Variants in HGFAC observed in about 807,000 individuals in gnomAD.
The protein encoded by HGFAC is hepatocyte growth factor activator serine protease.
A neutral mutation model predicts 70.6 loss-of-function variants in HGFAC; 76 were observed. That is an observed-to-expected ratio of 1.08 (90% CI 0.89 to 1.30). HGFAC has a LOEUF of 1.30. Ranked by LOEUF, HGFAC falls within the 50% of genes most tolerant of loss-of-function variation. The pLI is 0.00. For missense variants in HGFAC, 1,044 were observed against 933.7 expected (o/e 1.12, Z -1.54); for synonymous variants, 464 against 405.3 (o/e 1.14, Z -1.74).
At chr4:3,442,199 T>C (rs1725338794) in intron 1 of HGFAC, 81 bp downstream of exon 1, 5 of 1,105,164 alleles carry the variant, frequency 4.5e-6, no homozygotes, top group Non-Finnish European at 6.4e-6. Context: ...AGAGGGAGGG[T>C]CGCCACAGAG....
chr4:3,448,249 C>G lies in HGFAC; in HGVS notation c.1758C>G (p.Tyr586Ter). 6.2e-7 allele frequency: 1 copy of G among 1,609,390 alleles called. No individual in the cohort carries two copies. Among genetic ancestry groups the G allele is most frequent in the South Asian group, 1.1e-5 (1 of 90,750 alleles). ...GCCCCAACATGCTCTGTGCCGGCTA[C>G]TTCGACTGCAAGTCCGACGCCTGCC... Reference protein sequence around the residue: ...DISPNMLCAGYFDCKSDACQG... With the variant: ...DISPNMLCAG Residue 586 changes from tyrosine (Y) to a stop codon, truncating the protein, a stop_gained, in exon 13 of 14, where the codon TAC (tyrosine) becomes TAG (stop). Transcript: ENST00000382774. LOFTEE classifies it low-confidence loss of function (END_TRUNC).
At chr4:3,444,798 T>C in intron 7 of HGFAC, 21 bp from the exon 8 acceptor site, 1 of 1,583,974 alleles carries the variant, frequency 6.3e-7, no homozygotes, top group Non-Finnish European at 8.6e-7. Flanking sequence ...TGGGCCGGCC[T>C]CACTGCCCCT....
At chr4:3,447,324 C>G (rs1287451143) in intron 10 of HGFAC, among the ~76,000 whole-genome samples, 168 bp from the exon 11 acceptor site, 1 of 152,186 alleles carries the variant, frequency 6.6e-6, no homozygotes, top group Non-Finnish European at 1.5e-5. Flanking sequence ...CTTGGTGGTC[C>G]CTGTCTCCCC....
intron 9 of HGFAC, 178 bp downstream of exon 9, chr4:3,445,528 T>C: frequency 1.6e-6 from 1 of 623,508 alleles, no homozygotes; most frequent in Non-Finnish European, 2.9e-6. Context: ...GGGGTCACAG[T>C]GGGGAAGCAG....
Position 3,442,136 on chromosome 4 carries a change from C to T in HGFAC, c.117+18C>T, listed in dbSNP as rs764456972. On this transcript the variant is annotated intron_variant, in intron 1 of 13. Transcript: ENST00000382774. Reference sequence around the variant, plus strand: ...CTGGCGGGGTGAGCACTGACCTTGTCGCAGTGCGACCAGAGGTTCCCAGTG... The same window carrying T: ...CTGGCGGGGTGAGCACTGACCTTGTTGCAGTGCGACCAGAGGTTCCCAGTG... 1.4e-5 allele frequency: 21 copies of T among 1,531,738 alleles called. No individual in the cohort carries two copies. Among genetic ancestry groups the T allele is most frequent in the Middle Eastern group, 1.7e-4 (1 of 5,880 alleles). 94.9% of individuals were successfully genotyped at this position (1,531,738 alleles called of 1,614,324 possible).
intron 9 of HGFAC, 137 bp from the exon 10 acceptor site, chr4:3,445,905 G>T: frequency 6.5e-7 from 1 of 1,549,762 alleles, no homozygotes; most frequent in South Asian, 1.2e-5. Flanking sequence ...AGGTGAGTGG[G>T]CGCCAGGGCC....
chr4:3,441,533 A>G (rs551084255), upstream of HGFAC, among the ~76,000 whole-genome samples: 444 of 151,868 alleles, frequency 2.9e-3, 1 homozygote, highest in African/African-American at 0.01. This position sits in a 1 kb window ranked among gnomAD's most constrained non-coding sequence, Gnocchi z 6.0. Context: ...GACAGGGACA[A>G]TCCCATCCCC....
Position 3,449,301 on chromosome 4 carries a change from G to C in HGFAC, c.1850G>C (p.Ser617Thr), listed in dbSNP as rs1239181152. 6 of 1,612,404 alleles carry C rather than the reference G, an allele frequency of 3.7e-6. No individual in the cohort carries two copies. The African/African-American group carries it at 8.0e-5, about 22-fold the overall frequency. Reference sequence around the variant, plus strand: ...GTGGCTTACCTCTACGGCATCATCAGCTGGGGTGACGGCTGCGGGCGGCTC... The same window carrying C: ...GTGGCTTACCTCTACGGCATCATCACCTGGGGTGACGGCTGCGGGCGGCTC... ...NGVAYLYGII[S>T]WGDGCGRLHK... Residue 617 changes from serine (S) to threonine (T), a missense_variant, in exon 14 of 14, where the codon AGC becomes ACC. Ser to Thr is a moderately conservative substitution (Grantham distance 58). Coordinates refer to ENST00000382774, the MANE Select transcript of HGFAC (RefSeq NM_001528.4).
At position 3,444,121 on chromosome 4, in the gene HGFAC, C is replaced by T. The variant is rs1201839395; in HGVS notation, c.558C>T (p.Cys186=). The T allele has an allele frequency of 1.2e-6, 2 of 1,611,994 alleles. No individual in the cohort carries two copies. Among genetic ancestry groups the T allele is most frequent in the African/African-American group, 1.3e-5 (1 of 75,024 alleles). ...SNTQDPQSYH[C]SCPRAFTGKD... The stretch of plus-strand genomic sequence containing the variant: ...CCCAGGACCCCCAGTCCTATCACTG[C>T]AGCTGCCCCCGGGCCTTCACCGGCA... The change falls in exon 5 of 14, where the codon TGC becomes TGT. Residue 186 remains cysteine, a synonymous_variant. Transcript: ENST00000382774.
At position 3,445,712 on chromosome 4, in the gene HGFAC, G is replaced by T; in HGVS notation, c.1103-330G>T. On this transcript the variant is annotated intron_variant, in intron 9 of 13. Transcript: ENST00000382774. ...GGGGAGAGGCCCCCCGGCTCCCTAG[G>T]ACCCCGGCGGGGCCAGCCCGGGGCT... is the stretch of plus-strand genomic sequence containing the variant. The T allele has an allele frequency of 2.9e-6, 2 of 693,448 alleles. 1 individual carries two copies. The highest frequency in any genetic ancestry group is 4.8e-6 in the Non-Finnish European group (2 of 417,050). 43.0% of individuals were successfully genotyped at this position (693,448 alleles called of 1,614,324 possible). A position where few individuals can be genotyped will look rare whatever the true frequency, so the allele number is the denominator to read the frequency against.
intron 1 of HGFAC, 35 bp from the exon 2 acceptor site, chr4:3,442,697 C>G: frequency 7.2e-7 from 1 of 1,394,078 alleles, no homozygotes; most frequent in Non-Finnish European, 9.4e-7. Flanking sequence ...GTGTGAGGGT[C>G]TGTCCCACAC....
chr4:3,443,572 G>T (rs1725386181), intron 4 of HGFAC, 152 bp downstream of exon 4: 2 of 519,182 alleles, frequency 3.9e-6, no homozygotes, highest in African/African-American at 4.0e-5. Flanking sequence ...GTGCCACTTA[G>T]GGCCAGAGCC....
rs772603266 is a variant in HGFAC at position 3,449,383 on chromosome 4, G to C, written c.1932G>C (p.Arg644=). 10 of 1,581,176 alleles carry C rather than the reference G, an allele frequency of 6.3e-6. No homozygotes were observed. Among genetic ancestry groups the C allele is most frequent in the Non-Finnish European group, 8.6e-6 (10 of 1,160,314 alleles). The part of the protein sequence containing the change: ...VANYVDWIND[R]IRPPRRLVAP... ...ACTATGTGGACTGGATCAACGACCGGATACGGCCTCCCAGGCGGCTTGTGG... is the reference window on the plus strand; with the variant it reads ...ACTATGTGGACTGGATCAACGACCGCATACGGCCTCCCAGGCGGCTTGTGG... Residue 644 remains arginine, a synonymous_variant, in exon 14 of 14, where the codon CGG becomes CGC. Transcript: ENST00000382774.
At chr4:3,445,157 C>A in intron 8 of HGFAC, 108 bp from the exon 9 acceptor site, 1 of 1,285,696 alleles carries the variant, frequency 7.8e-7, no homozygotes, top group Non-Finnish European at 1.1e-6. Flanking sequence ...TCTCTTCCCA[C>A]TGCTCCAGGT....
In HGFAC at chr4:3,444,164, G is replaced by A. The variant is rs535094909; in HGVS notation, c.598+3G>A. 6 of 1,604,110 alleles carry A rather than the reference G, an allele frequency of 3.7e-6. No homozygotes were observed. The South Asian group carries it at 6.7e-5, about 18-fold the overall frequency. ...CACCGGCAAGGACTGCGGCACAGGT[G>A]AGCTGGGCCTCGGAGGTCCGCAGGG... On this transcript the variant is annotated splice_donor_region_variant and intron_variant, in intron 5 of 13. Transcript: ENST00000382774.
intron 8 of HGFAC, 27 bp downstream of exon 8, chr4:3,445,020 C>G: frequency 6.5e-7 from 1 of 1,532,138 alleles, no homozygotes; most frequent in Non-Finnish European, 8.7e-7. Flanking sequence ...TCCAGGCCGC[C>G]GCATGCGGGG....
chr4:3,441,073 C>T (rs1725291368), upstream of HGFAC, among the ~76,000 whole-genome samples: 1 of 152,122 alleles, frequency 6.6e-6, no homozygotes, highest in Non-Finnish European at 1.5e-5. The surrounding 1 kb of genome is among the most constrained non-coding windows in gnomAD (Gnocchi z 6.0). Flanking sequence ...TCAGGAGGAA[C>T]CCGAGGTGCC....
At position 3,444,702 on chromosome 4, in the gene HGFAC, A is replaced by C; in HGVS notation, c.810A>C (p.Pro270=). 1 of 1,596,818 alleles carries C rather than the reference A, an allele frequency of 6.3e-7. No individual in the cohort carries two copies. Among genetic ancestry groups the C allele is most frequent in the Non-Finnish European group, 8.5e-7 (1 of 1,178,186 alleles). ...VATGTTVCAC[P]PGFAGRLCNI... The stretch of plus-strand genomic sequence containing the variant: ...CCGGGACCACCGTGTGTGCCTGCCC[A>C]CCAGGCTTCGCTGGACGGCTCTGCA... The change falls in exon 7 of 14, where the codon CCA becomes CCC. Residue 270 remains proline, a synonymous_variant. Transcript: ENST00000382774.
upstream of HGFAC, among the ~76,000 whole-genome samples, chr4:3,441,343 G>T (rs1475768402): frequency 6.6e-6 from 1 of 152,136 alleles, no homozygotes; most frequent in Non-Finnish European, 1.5e-5. This position sits in a 1 kb window ranked among gnomAD's most constrained non-coding sequence, Gnocchi z 6.0. Context: ...CTGCTGGGGG[G>T]CCCTGGCCAC....
Sources: gnomAD v4.1 joint callset for allele counts (sites outside exome capture counted in the v4.1 genomes callset) on GRCh38, gnomAD v4.1.1 for gene constraint, Gnocchi (gnomAD v3.1) non-coding constraint, MANE v1.5 for transcripts, NCBI Gene and HGNC (gene_info 2026-07-23, HGNC 2026-07-21) for gene names.